The following TRMT11 variants were observed in gnomAD, a reference collection of about 807,000 sequenced individuals.
The protein encoded by TRMT11 is tRNA methyltransferase 11, also known as tRNA (guanine(10)-N(2))-methyltransferase TRMT11.
A neutral mutation model predicts 62.8 loss-of-function variants in TRMT11; 53 were observed. The ratio of observed to expected loss-of-function variants is 0.84; its 90% CI spans 0.68 to 1.06. The LOEUF (loss-of-function observed/expected upper bound fraction) is 1.06. Among genes scored for constraint, TRMT11 ranks in the 50% least tolerant of loss-of-function variants. The pLI is 0.00. For synonymous variants in TRMT11, 188 were observed against 190.3 expected, an observed-to-expected ratio of 0.99 and a Z score of 0.10; for missense variants, 556 against 553.4, an observed-to-expected ratio of 1.00 and a Z score of -0.05.
intron 17 of TRMT11, among the ~76,000 whole-genome samples, chr6:126,072,156 C>T (rs1175676808): frequency 6.6e-6 from 1 of 152,116 alleles, no homozygotes; most frequent in Non-Finnish European, 1.5e-5. Flanking sequence ...TCCCAGCTGA[C>T]AAAAATATTT....
chr6:126,038,824 C>A lies in TRMT11; in HGVS notation c.1380C>A (p.Ser460=), dbSNP rs1276607948. The A allele has an allele frequency of 1.9e-6, 3 of 1,589,878 alleles. No individual in the cohort carries two copies. The highest frequency in any genetic ancestry group is 2.6e-6 in the Non-Finnish European group (3 of 1,171,798). ...AAAGAATTGCCAAGGAAGAAAAATC[C>A]ACCCAGGAATGAAAATTAAGATTTT... ...VTKRIAKEEK[S]TQE is the part of the protein sequence containing the mutation. The change falls in exon 13 of 13, where the codon TCC becomes TCA. Residue 460 remains serine (S), a synonymous_variant. Transcript: ENST00000334379.
At chr6:126,201,450 G>A (rs1247703740) in intron 3 of TRMT11, among the ~76,000 whole-genome samples, 1 of 152,082 alleles carries the variant, frequency 6.6e-6, no homozygotes. Context: ...ACTCCATATG[G>A]GACCATTGCC....
chr6:126,201,466 A>G (rs1434085064), intron 3 of TRMT11, among the ~76,000 whole-genome samples: 1 of 152,216 alleles, frequency 6.6e-6, no homozygotes, highest in Non-Finnish European at 1.5e-5. Flanking sequence ...TTGCCTTCCA[A>G]GAACTGGACA....
chr6:126,170,036 T>G (rs981042805), intron 21 of TRMT11, among the ~76,000 whole-genome samples: 1 of 152,132 alleles, frequency 6.6e-6, no homozygotes, highest in African/African-American at 2.4e-5. Context: ...ATTTTTCTTT[T>G]TGTTCCTTTC....
intron 7 of TRMT11, among the ~76,000 whole-genome samples, chr6:126,006,046 A>G (rs1793294435): frequency 6.6e-6 from 1 of 151,974 alleles, no homozygotes; most frequent in Non-Finnish European, 1.5e-5. Context: ...GGGAAGAGAA[A>G]ATGGGGAGAA....
the TRMT11 span, among the ~76,000 whole-genome samples, chr6:126,259,088 T>C: frequency 6.6e-6 from 1 of 152,228 alleles, no homozygotes; most frequent in East Asian, 1.9e-4. Context: ...TGGTTTTCTG[T>C]TTCTGTGTTA....
chr6:126,224,788 A>T, the TRMT11 span, among the ~76,000 whole-genome samples: 2 of 152,332 alleles, frequency 1.3e-5, no homozygotes, highest in African/African-American at 4.8e-5. Flanking sequence ...GTTGGTGCAC[A>T]TGCCAGTGGC....
chr6:126,194,611 C>A (rs1452387260), intron 1 of TRMT11, among the ~76,000 whole-genome samples: 1 of 152,196 alleles, frequency 6.6e-6, no homozygotes, highest in East Asian at 1.9e-4. Flanking sequence ...ACTCTCTGGG[C>A]ATATTTAGTT....
At chr6:126,041,206 T>C (rs1043714368), downstream of TRMT11, among the ~76,000 whole-genome samples, 1 of 152,138 alleles carries the variant, frequency 6.6e-6, no homozygotes, top group African/African-American at 2.4e-5. Flanking sequence ...AACAACCTTA[T>C]TTCAAGTTTT....
In TRMT11 at chr6:126,151,806, TTTTCTTTCTTTCTTTCTTTCTTTC is replaced by T. The variant is rs754465295; in HGVS notation, c.*1824-22982_*1824-22959del. On this transcript the variant is annotated intron_variant and NMD_transcript_variant, in intron 21 of 22. Coordinates refer to the TRMT11 transcript ENST00000648977. ...TTTCCTTCCTTCCTTCCTCTCTGTC[TTTTCTTTCTTTCTTTCTTTCTTTC>T]TTTCTTTCTTTCTTTCTTTCTTTCT... 1.0e-3 allele frequency among the ~76,000 whole-genome samples: 88 copies of T among 86,948 alleles called. 1 individual carries two copies. Among genetic ancestry groups the T allele is most frequent in the African/African-American group, 2.0e-3 (42 of 20,814 alleles). The allele number at this position is 86,948 out of a possible 152,430, so 57.0% of individuals were successfully genotyped here.
At chr6:126,117,055 A>G (rs973301387) in intron 21 of TRMT11, among the ~76,000 whole-genome samples, 3 of 152,110 alleles carry the variant, frequency 2.0e-5, no homozygotes, top group South Asian at 2.1e-4. Context: ...GAGTTTGACT[A>G]TGGTCCACGA....
At chr6:126,065,378 G>A (rs894892662) in intron 17 of TRMT11, among the ~76,000 whole-genome samples, 8 of 152,004 alleles carry the variant, frequency 5.3e-5, no homozygotes, top group South Asian at 2.1e-4. Context: ...AGAGAGCCAC[G>A]CCTTCAGGCA....
At chr6:125,998,382 G>T in intron 5 of TRMT11, 67 bp downstream of exon 5, 2 of 1,283,504 alleles carry the variant, frequency 1.6e-6, no homozygotes, top group Non-Finnish European at 2.2e-6. Context: ...TGATATATAG[G>T]AATACCTAAT....
rs556496486 is a variant in TRMT11, at chr6:126,031,075, G to C, written c.1261-7630G>C. Among the ~76,000 whole-genome samples the C allele has an allele frequency of 3.9e-5, 6 of 152,224 alleles. No homozygotes were observed. The South Asian group carries it at 1.2e-3, about 32-fold the overall frequency. ...ATGGGCATGGTGGTTGGGGCAAGGA[G>C]GTTGAGGAAATTCATATCTGATAAC... On this transcript the variant is annotated intron_variant, in intron 12 of 12. Coordinates refer to ENST00000334379, the MANE Select transcript of TRMT11 (RefSeq NM_001031712.3).
At chr6:126,072,785 GC>G (rs1440729243) in intron 17 of TRMT11, among the ~76,000 whole-genome samples, 1 of 152,126 alleles carries the variant, frequency 6.6e-6, no homozygotes, top group Admixed American at 6.6e-5. Flanking sequence ...ATGGCAGAGA[GC>G]AGAGATCCTC....
chr6:126,212,218 G>T, the TRMT11 span, among the ~76,000 whole-genome samples: 11 of 152,096 alleles, frequency 7.2e-5, no homozygotes, highest in Non-Finnish European at 1.6e-4. Flanking sequence ...TGTGAATATC[G>T]CTGCAATATG....
the TRMT11 span, chr6:126,257,874 G>T: frequency 6.0e-6 from 8 of 1,331,788 alleles, no homozygotes; most frequent in Non-Finnish European, 8.6e-6. Context: ...ATGAGGTCGG[G>T]GGGACAGTGA....
intron 1 of TRMT11, 84 bp downstream of exon 1, chr6:125,986,706 C>T (rs1789688975): frequency 1.5e-6 from 2 of 1,324,614 alleles, no homozygotes; most frequent in Non-Finnish European, 2.1e-6. Flanking sequence ...CTGCATAGCC[C>T]GAGGAAGCTG....
intron 3 of TRMT11, 134 bp downstream of exon 3, chr6:125,996,174 G>A (rs1328509416): frequency 5.3e-6 from 3 of 569,334 alleles, no homozygotes; most frequent in Non-Finnish European, 9.3e-6. Context: ...ACTGGGTGGC[G>A]GTGGGGGACC....
Sources: gnomAD v4.1 joint callset for allele counts (sites outside exome capture counted in the v4.1 genomes callset) on GRCh38, gnomAD v4.1.1 for gene constraint, MANE v1.5 for transcripts, NCBI Gene and HGNC (gene_info 2026-07-23, HGNC 2026-07-21) for gene names.